HSF2BP: variants seen among roughly 807,000 people sequenced by gnomAD.
HSF2BP encodes the protein heat shock transcription factor 2 binding protein.
In HSF2BP, 35 loss-of-function variants were observed where a neutral mutation model predicts 35.0. The observed-to-expected ratio is 1.00, with a 90% confidence interval of 0.76 to 1.32. HSF2BP has a LOEUF of 1.32. Among genes scored for constraint, HSF2BP ranks in the 40% most tolerant of loss-of-function variants. The probability of loss-of-function intolerance (pLI) is 0.00; values close to 1 mark genes in which losing one functional copy is unlikely to be tolerated. For missense variants in HSF2BP, 326 were observed against 321.7 expected, an observed-to-expected ratio of 1.01 and a Z score of -0.10; for synonymous variants, 114 against 117.4, an observed-to-expected ratio of 0.97 and a Z score of 0.18.
At chr21:43,623,517 C>G (rs577080505) in intron 6 of HSF2BP, among the ~76,000 whole-genome samples, 124 of 152,178 alleles carry the variant, frequency 8.1e-4, no homozygotes, top group African/African-American at 2.7e-3. Flanking sequence ...ACCTCGAGAG[C>G]CTCAAGGTTA....
intron 6 of HSF2BP, among the ~76,000 whole-genome samples, chr21:43,628,144 T>A (rs1018111362): frequency 1.3e-5 from 2 of 152,196 alleles, no homozygotes; most frequent in African/African-American, 4.8e-5. Context: ...GACCTCTAAA[T>A]GTTCAAGCAA....
At chr21:43,658,746 G>T (rs899176223) in intron 1 of HSF2BP, among the ~76,000 whole-genome samples, 1 of 152,230 alleles carries the variant, frequency 6.6e-6, no homozygotes, top group Non-Finnish European at 1.5e-5. Context: ...GCGCGTGCTC[G>T]CCAGGCCTCG....
At chr21:43,603,013 T>C (rs893283643) in intron 7 of HSF2BP, among the ~76,000 whole-genome samples, 1 of 151,876 alleles carries the variant, frequency 6.6e-6, no homozygotes, top group Non-Finnish European at 1.5e-5. Context: ...GGTAAAATCA[T>C]AGGCAGCGTG....
chr21:43,582,297 AAGACCTGCTGTGGGAGATAAG>A lies in HSF2BP; in HGVS notation c.796+9907_796+9927del, dbSNP rs1207180616. Among the ~76,000 whole-genome samples, 14 of 124,178 alleles carry A rather than the reference AAGACCTGCTGTGGGAGATAAG, an allele frequency of 1.1e-4. 2 individuals carry two copies. The highest frequency in any genetic ancestry group is 5.0e-4 in the African/African-American group (14 of 27,766). The allele number at this position is 124,178 out of a possible 152,430, so 81.5% of individuals were successfully genotyped here. ...GGATGAAGGCCTGCTGAGGGGGATG[AAGACCTGCTGTGGGAGATAAG>A]GGCCTGTTGCGGGAGATGAGGGCCG... On this transcript the variant is annotated intron_variant, in intron 8 of 8. Coordinates refer to ENST00000291560, the MANE Select transcript of HSF2BP (RefSeq NM_007031.2).
At chr21:43,632,357 C>CA (rs2082487356) in intron 5 of HSF2BP, among the ~76,000 whole-genome samples, 1 of 98,062 alleles carries the variant, frequency 1.0e-5, no homozygotes, top group Non-Finnish European at 2.0e-5. Flanking sequence ...CCCATACACA[C>CA]ACGCTCCCAC....
At chr21:43,635,035 G>T (rs1049550642) in intron 4 of HSF2BP, among the ~76,000 whole-genome samples, 2 of 151,874 alleles carry the variant, frequency 1.3e-5, no homozygotes, top group African/African-American at 4.8e-5. Flanking sequence ...AGTTGCAGGA[G>T]GATATTCCCC....
intron 4 of HSF2BP, among the ~76,000 whole-genome samples, chr21:43,642,548 T>C (rs1221244028): frequency 2.0e-5 from 3 of 152,148 alleles, no homozygotes. Flanking sequence ...GTATTCACCT[T>C]GCAGGAGCTT....
chr21:43,604,691 CTA>C, intron 7 of HSF2BP, among the ~76,000 whole-genome samples: 1 of 94,192 alleles, frequency 1.1e-5, no homozygotes, highest in South Asian at 4.2e-4. Context: ...CACACACACA[CTA>C]CACACTGCAC....
chr21:43,580,510 G>A lies in HSF2BP; in HGVS notation c.796+11715C>T, dbSNP rs532640316. 4.3e-4 allele frequency among the ~76,000 whole-genome samples: 66 copies of A among 152,330 alleles called. No homozygotes were observed. The East Asian group carries it at 8.7e-3, about 20-fold the overall frequency. On this transcript the variant is annotated intron_variant, in intron 8 of 8. Transcript: ENST00000291560. Reference sequence around the variant, plus strand: ...ATCATGTAAGCATTGATTAATCAAAGAAAACAGTCCCAGCATTCTCTTGTG... The same window carrying A: ...ATCATGTAAGCATTGATTAATCAAAAAAAACAGTCCCAGCATTCTCTTGTG...
intron 1 of HSF2BP, 89 bp from the exon 2 acceptor site, chr21:43,658,409 C>T: frequency 2.5e-6 from 1 of 393,122 alleles, no homozygotes. Context: ...AGGAATGCTA[C>T]ACTAAGGGGG....
intron 6 of HSF2BP, among the ~76,000 whole-genome samples, 181 bp downstream of exon 6, chr21:43,630,141 T>G (rs145594579): frequency 1.3e-5 from 2 of 152,370 alleles, no homozygotes; most frequent in African/African-American, 4.8e-5. Flanking sequence ...TTAAAGTTTG[T>G]ACATTTTTTA....
At chr21:43,588,393 A>G (rs913129739) in intron 8 of HSF2BP, among the ~76,000 whole-genome samples, 2 of 152,040 alleles carry the variant, frequency 1.3e-5, no homozygotes, top group African/African-American at 4.8e-5. Context: ...ATAAATAAAT[A>G]AATAAATAAG....
At chr21:43,582,123 T>TCATCTCCAACAGCAG (rs2081753450) in intron 8 of HSF2BP, among the ~76,000 whole-genome samples, 1 of 96,406 alleles carries the variant, frequency 1.0e-5, no homozygotes, top group Non-Finnish European at 2.0e-5. Flanking sequence ...AATGAGGCCC[T>TCATCTCCAACAGCAG]GCTGTGGGGG....
rs142858952 is a variant in HSF2BP, at chr21:43,654,781, C to T, written c.187+1806G>A. On this transcript the variant is annotated intron_variant, in intron 3 of 8. Transcript: ENST00000291560. ...AATCCAGCAGCCACTGGCATCAAGA[C>T]GGTAACTGAAGCTGTGAGTGTGCAT... Among the ~76,000 whole-genome samples, 235 of 152,278 alleles carry T rather than the reference C, an allele frequency of 1.5e-3. 2 individuals carry two copies. Among genetic ancestry groups the T allele is most frequent in the African/African-American group, 5.3e-3 (222 of 41,552 alleles).
At chr21:43,501,017 G>A in the HSF2BP span, among the ~76,000 whole-genome samples, 1 of 116,186 alleles carries the variant, frequency 8.6e-6, no homozygotes, top group East Asian at 2.2e-4. Flanking sequence ...AGAGTCTGGG[G>A]GCTACTTCTT....
At chr21:43,633,681 CT>C (rs2082514243) in intron 4 of HSF2BP, among the ~76,000 whole-genome samples, 1 of 152,218 alleles carries the variant, frequency 6.6e-6, no homozygotes, top group Non-Finnish European at 1.5e-5. Context: ...CTGAATTCAT[CT>C]GCTTTAAGTA....
At chr21:43,585,440 A>C (rs1184854265) in intron 8 of HSF2BP, among the ~76,000 whole-genome samples, 1 of 152,136 alleles carries the variant, frequency 6.6e-6, no homozygotes, top group African/African-American at 2.4e-5. Flanking sequence ...GAACATAGGG[A>C]GACCTATAGG....
Position 43,592,293 on chromosome 21 carries a change from T to C in HSF2BP, c.728A>G (p.Asn243Ser), listed in dbSNP as rs2081936334. ...MLMSLYNVSI[N>S]LKGLKYISES... ...GCTGATGTATTTCAAGCCTTTCAAA[T>C]TGATGCTTACATTGTATAGGGACAT... The change falls in exon 8 of 9, where the codon AAT (asparagine) becomes AGT (serine). Residue 243 changes from asparagine to serine, a missense_variant. Transcript: ENST00000291560. 6.2e-7 allele frequency: 1 copy of C among 1,613,662 alleles called. No homozygotes were observed. Among genetic ancestry groups the C allele is most frequent in the Admixed American group, 1.7e-5 (1 of 59,992 alleles).
At chr21:43,651,307 C>T (rs2082782696) in intron 3 of HSF2BP, among the ~76,000 whole-genome samples, 1 of 152,198 alleles carries the variant, frequency 6.6e-6, no homozygotes, top group Admixed American at 6.5e-5. Flanking sequence ...CACTAATCAG[C>T]AGGCAGTATA....
Sources: allele counts gnomAD v4.1 joint callset (sites outside exome capture counted in the v4.1 genomes callset), GRCh38; gene constraint gnomAD v4.1.1; transcripts MANE v1.5; gene names NCBI Gene and HGNC (gene_info 2026-07-23, HGNC 2026-07-21).